RBMS3: variants seen among roughly 807,000 people sequenced by gnomAD.
RBMS3 encodes RNA-binding motif, single-stranded-interacting protein 3.
A neutral mutation model predicts 66.8 loss-of-function variants in RBMS3; 27 were observed. That is an observed-to-expected ratio of 0.40 (90% CI 0.30 to 0.56). The LOEUF (loss-of-function observed/expected upper bound fraction) is 0.56, where lower values mean the gene tolerates loss of function less well. RBMS3 is among the 20% of genes least tolerant of loss of function. The pLI, the probability that RBMS3 is intolerant of heterozygous loss-of-function variation, is 0.40. For missense variants in RBMS3, 513 were observed against 549.5 expected, an observed-to-expected ratio of 0.93 and a Z score of 0.66; for synonymous variants, 188 against 183.0, an observed-to-expected ratio of 1.03 and a Z score of -0.22.
intron 1 of RBMS3, among the ~76,000 whole-genome samples, chr3:29,382,332 T>C (rs1001575142): frequency 2.0e-5 from 3 of 152,202 alleles, no homozygotes; most frequent in Non-Finnish European, 4.4e-5. Flanking sequence ...GAGCAGTTAT[T>C]CTGCAGCACA....
At chr3:29,449,895 G>A (rs2041959431) in intron 2 of RBMS3, among the ~76,000 whole-genome samples, 1 of 152,138 alleles carries the variant, frequency 6.6e-6, no homozygotes, top group African/African-American at 2.4e-5. Context: ...AACATTACAT[G>A]GGGGTCAGTT....
At chr3:29,417,818 G>A (rs2040539447) in intron 1 of RBMS3, among the ~76,000 whole-genome samples, 1 of 152,074 alleles carries the variant, frequency 6.6e-6, no homozygotes, top group Non-Finnish European at 1.5e-5. Context: ...GTGAAATAAA[G>A]TATATAATCA....
At chr3:29,298,886 T>C (rs920273581) in intron 1 of RBMS3, among the ~76,000 whole-genome samples, 13 of 151,916 alleles carry the variant, frequency 8.6e-5, no homozygotes, top group African/African-American at 2.4e-4. Flanking sequence ...TATCAATCAA[T>C]ACATGTTTCT....
chr3:29,379,080 G>A (rs982193009), intron 1 of RBMS3, among the ~76,000 whole-genome samples: 1 of 152,050 alleles, frequency 6.6e-6, no homozygotes, highest in Non-Finnish European at 1.5e-5. Flanking sequence ...GCCATTTTCT[G>A]TGCTTTCCTC....
intron 3 of RBMS3, among the ~76,000 whole-genome samples, chr3:29,521,879 G>A (rs2044874214): frequency 6.6e-6 from 1 of 152,172 alleles, no homozygotes; most frequent in African/African-American, 2.4e-5. Flanking sequence ...TAAGGTTAAT[G>A]CAGCTGACCT....
intron 5 of RBMS3, among the ~76,000 whole-genome samples, chr3:29,759,719 C>G (rs576001526): frequency 1.5e-4 from 23 of 152,132 alleles, no homozygotes; most frequent in African/African-American, 2.7e-4. Flanking sequence ...TTCCTCCCCC[C>G]CCAGAGCTTT....
At chr3:29,359,831 C>T (rs1367187222) in intron 1 of RBMS3, among the ~76,000 whole-genome samples, 16 of 152,224 alleles carry the variant, frequency 1.1e-4, no homozygotes, top group Middle Eastern at 3.4e-3. Flanking sequence ...AGTTTATTTG[C>T]GTAGAGGTGT....
intron 2 of RBMS3, among the ~76,000 whole-genome samples, chr3:29,472,089 G>A (rs1171458857): frequency 1.3e-5 from 2 of 151,956 alleles, no homozygotes; most frequent in Non-Finnish European, 2.9e-5. Context: ...CTAATCGTCA[G>A]TGTATAGTTT....
intron 4 of RBMS3, among the ~76,000 whole-genome samples, chr3:29,610,812 G>A (rs1229717476): frequency 6.6e-6 from 1 of 152,014 alleles, no homozygotes; most frequent in Non-Finnish European, 1.5e-5. Flanking sequence ...TTCTGTAAGA[G>A]AGTCATGCAT....
rs952705888 is a variant in RBMS3 at position 29,864,332 on chromosome 3, C to G, written c.638-4526C>G. 4.6e-5 allele frequency among the ~76,000 whole-genome samples: 7 copies of G among 152,252 alleles called. No individual in the cohort carries two copies. In the East Asian group the frequency reaches 1.4e-3, roughly 29 times the overall value. On this transcript the variant is annotated intron_variant, in intron 6 of 14. Transcript: ENST00000383767. ...TGGAGGTTAACGCAGATAATAATAACATAACATGCATCATACCTAGGAGAT... is the reference window on the plus strand; with the variant it reads ...TGGAGGTTAACGCAGATAATAATAAGATAACATGCATCATACCTAGGAGAT...
chr3:29,865,277 G>GT (rs2059332514), intron 6 of RBMS3, among the ~76,000 whole-genome samples: 1 of 152,080 alleles, frequency 6.6e-6, no homozygotes. Flanking sequence ...CTAAAGAGAA[G>GT]TCATACTCTA....
At chr3:29,793,177 G>T (rs1269693371) in intron 6 of RBMS3, among the ~76,000 whole-genome samples, 3 of 151,286 alleles carry the variant, frequency 2.0e-5, no homozygotes, top group East Asian at 1.9e-4. Context: ...GTTGCAGTGA[G>T]CCCAGATTGC....
intron 14 of RBMS3, 79 bp from the exon 15 acceptor site, chr3:30,003,777 C>T: frequency 2.0e-6 from 2 of 1,017,814 alleles, no homozygotes; most frequent in East Asian, 2.9e-5. Context: ...TTTAAAGCTG[C>T]CTCATTGGAA....
At chr3:29,592,310 G>GA (rs1273833835) in intron 4 of RBMS3, among the ~76,000 whole-genome samples, 3 of 151,858 alleles carry the variant, frequency 2.0e-5, no homozygotes, top group South Asian at 2.1e-4. Flanking sequence ...TAATTTACAA[G>GA]AAAAAACCAA....
At chr3:29,975,834 C>T (rs1305953236) in intron 12 of RBMS3, among the ~76,000 whole-genome samples, 3 of 151,822 alleles carry the variant, frequency 2.0e-5, no homozygotes, top group Admixed American at 1.3e-4. Context: ...CTTTGTATTT[C>T]CATATAAATT....
At chr3:29,880,539 A>G (rs1387464252) in intron 7 of RBMS3, among the ~76,000 whole-genome samples, 1 of 152,188 alleles carries the variant, frequency 6.6e-6, no homozygotes, top group African/African-American at 2.4e-5. Flanking sequence ...CTTTGTGGAA[A>G]GAGACAAAAG....
At chr3:29,966,111 A>T (rs974090376) in intron 12 of RBMS3, among the ~76,000 whole-genome samples, 1 of 152,080 alleles carries the variant, frequency 6.6e-6, no homozygotes. Context: ...TATCAGTACC[A>T]TGCTGTTTTG....
At chr3:29,471,450 G>T (rs527392227) in intron 2 of RBMS3, among the ~76,000 whole-genome samples, 1 of 152,254 alleles carries the variant, frequency 6.6e-6, no homozygotes, top group African/African-American at 2.4e-5. Flanking sequence ...GCTTCCCCAC[G>T]ATTAAAGTTA....
chr3:29,940,668 T>C (rs934080576), intron 11 of RBMS3, among the ~76,000 whole-genome samples: 1 of 151,802 alleles, frequency 6.6e-6, no homozygotes, highest in African/African-American at 2.4e-5. Context: ...ATGAATGCCA[T>C]GTAGTTTAAT....
Sources: allele counts gnomAD v4.1 joint callset (sites outside exome capture counted in the v4.1 genomes callset), GRCh38; gene constraint gnomAD v4.1.1; transcripts MANE v1.5; gene names NCBI Gene and HGNC (gene_info 2026-07-23, HGNC 2026-07-21).